PRRC2B: variants seen among roughly 807,000 people sequenced by gnomAD.
PRRC2B encodes protein PRRC2B.
A neutral mutation model predicts 242.3 loss-of-function variants in PRRC2B; 68 were observed. The ratio of observed to expected loss-of-function variants is 0.28; its 90% confidence interval spans 0.23 to 0.34. The LOEUF (loss-of-function observed/expected upper bound fraction) is 0.34, where lower values mean the gene tolerates loss of function less well. Among genes scored for constraint, PRRC2B ranks in the 10% least tolerant of loss-of-function variants. The pLI is 1.00. For missense variants in PRRC2B, 2,835 were observed against 2,954.8 expected (o/e 0.96, Z 0.94); for synonymous variants, 1,228 against 1,173.6 (o/e 1.05, Z -0.95).
chr9:131,497,957 G>GGCCT lies in PRRC2B; in HGVS notation c.*2086_*2089dup, dbSNP rs1564306313. On this transcript the variant is annotated 3_prime_UTR_variant, in exon 32 of 32. Transcript: ENST00000683519. ...GCCAAGCCATTCCTGGGTGAGTTCA[G>GGCCT]GCCTGCGGGAGCCACACATTCATCT... is the stretch of plus-strand genomic sequence containing the variant. The GGCCT allele has an allele frequency of 6.6e-6, 1 of 152,244 alleles. No individual in the cohort carries two copies. The highest frequency in any genetic ancestry group is 1.5e-5 in the Non-Finnish European group (1 of 68,104). 9.4% of individuals were successfully genotyped at this position (152,244 alleles called of 1,614,324 possible).
chr9:131,392,189 C>G (rs549954843), upstream of PRRC2B, among the ~76,000 whole-genome samples: 27 of 151,438 alleles, frequency 1.8e-4, no homozygotes, highest in East Asian at 4.7e-3. Flanking sequence ...ACCTCCGCCA[C>G]CCGGGTTTGA....
At chr9:131,489,947 C>G (rs1054965455) in intron 28 of PRRC2B, among the ~76,000 whole-genome samples, 2 of 152,060 alleles carry the variant, frequency 1.3e-5, no homozygotes, top group African/African-American at 4.8e-5. Context: ...CTTTGCTGTC[C>G]CCTCTCCTTC....
In PRRC2B at chr9:131,459,267, G is replaced by T. The variant is rs370435017; in HGVS notation, c.1315G>T (p.Val439Leu). The T allele has an allele frequency of 6.2e-7, 1 of 1,613,906 alleles. No homozygotes were observed. Among genetic ancestry groups the T allele is most frequent in the Admixed American group, 1.7e-5 (1 of 60,002 alleles). Residue 439 changes from valine (V) to leucine (L), a missense_variant, in exon 11 of 32, where the codon GTG becomes TTG. By Grantham distance (32) the Val-to-Leu change is conservative. Around this residue, in one of 7 missense-constraint regions of PRRC2B, gnomAD observed 626 missense variants for 685.5 expected, o/e 0.91. Transcript: ENST00000683519. ...GGAAGGGAAGGACTGGGCTGAAGCA[G>T]TGGGTGCGTCCCGTGTGGTCCGAAA... ...REEGKDWAEA[V>L]GASRVVRKAP... is the part of the protein sequence containing the mutation.
At chr9:131,380,197 A>G (rs924331585) in intron 1 of PRRC2B, among the ~76,000 whole-genome samples, 3 of 151,442 alleles carry the variant, frequency 2.0e-5, no homozygotes, top group African/African-American at 4.8e-5. Context: ...TGGAGGCTGC[A>G]GTGAGCTATG....
intron 1 of PRRC2B, among the ~76,000 whole-genome samples, chr9:131,380,892 A>AAAAAAAAAAAAC (rs1836750817): frequency 1.3e-5 from 2 of 151,468 alleles, no homozygotes; most frequent in Non-Finnish European, 1.5e-5. Context: ...TCTCCAAAAA[A>AAAAAAAAAAAAC]AAAAAAAGAG....
chr9:131,407,967 G>T (rs979080436), intron 1 of PRRC2B, among the ~76,000 whole-genome samples: 1 of 152,190 alleles, frequency 6.6e-6, no homozygotes, highest in Admixed American at 6.5e-5. Context: ...TTTCCTCACC[G>T]GGGTAACGGG....
chr9:131,453,331 T>G (rs1942978489), intron 9 of PRRC2B, among the ~76,000 whole-genome samples: 1 of 152,226 alleles, frequency 6.6e-6, no homozygotes, highest in African/African-American at 2.4e-5. Flanking sequence ...GCAACTTGCT[T>G]TTTCAGTTCC....
chr9:131,498,278 AAAAG>A lies in PRRC2B; in HGVS notation c.*2407_*2410del, dbSNP rs1944383365. The stretch of plus-strand genomic sequence containing the variant: ...TGATGTTGTAGGTCTAGGTGAAAAA[AAAAG>A]AAGTAAATGTTTCACTGCTCTATTT... On this transcript the variant is annotated 3_prime_UTR_variant, in exon 32 of 32. Coordinates refer to ENST00000683519, the MANE Select transcript of PRRC2B (RefSeq NM_013318.4). 6.6e-6 allele frequency: 1 copy of A among 152,186 alleles called. No homozygotes were observed. The highest frequency in any genetic ancestry group is 2.1e-4 in the South Asian group (1 of 4,832). The allele number at this position is 152,186 out of a possible 1,614,324, so 9.4% of individuals were successfully genotyped here.
At position 131,377,356 on chromosome 9, in the gene PRRC2B, G is replaced by A. The variant is rs575060027; in HGVS notation, c.-56+3625G>A. 1.1e-4 allele frequency among the ~76,000 whole-genome samples: 16 copies of A among 152,240 alleles called. No individual in the cohort carries two copies. In the East Asian group the frequency reaches 2.7e-3, roughly 26 times the overall value. The stretch of plus-strand genomic sequence containing the variant: ...TCTCAATCTCCTAACCTCGTGATCC[G>A]CGCGCCTCAGCCTCCCAAAGTGTTG... On this transcript the variant is annotated intron_variant, in intron 1 of 1. Transcript: ENST00000682525.
chr9:131,414,522 T>C (rs1204245500), intron 1 of PRRC2B, among the ~76,000 whole-genome samples: 1 of 150,744 alleles, frequency 6.6e-6, no homozygotes, highest in Non-Finnish European at 1.5e-5. Flanking sequence ...TCTATCCTGT[T>C]TTTACCAGGA....
intron 1 of PRRC2B, among the ~76,000 whole-genome samples, chr9:131,403,809 T>C (rs1376618728): frequency 6.6e-6 from 1 of 152,148 alleles, no homozygotes; most frequent in Non-Finnish European, 1.5e-5. Flanking sequence ...TGGCCTCATG[T>C]AGGGAGGTTT....
At chr9:131,409,923 A>C (rs1837463704) in intron 1 of PRRC2B, among the ~76,000 whole-genome samples, 1 of 152,258 alleles carries the variant, frequency 6.6e-6, no homozygotes, top group Non-Finnish European at 1.5e-5. Flanking sequence ...GCATTTGCAG[A>C]GTACTTCTCA....
intron 9 of PRRC2B, among the ~76,000 whole-genome samples, chr9:131,450,422 A>G (rs1321846319): frequency 2.0e-5 from 3 of 151,464 alleles, no homozygotes; most frequent in African/African-American, 7.3e-5. Flanking sequence ...CGCGCACCAC[A>G]TGCCCAACTA....
chr9:131,436,855 C>T (rs954986277), intron 4 of PRRC2B, 133 bp downstream of exon 4: 20 of 666,026 alleles, frequency 3.0e-5, no homozygotes, highest in East Asian at 1.1e-4. Context: ...GAGGCACACC[C>T]GATGAGTGAC....
At chr9:131,491,653 T>C in intron 29 of PRRC2B, 73 bp downstream of exon 29, 1 of 1,376,726 alleles carries the variant, frequency 7.3e-7, no homozygotes, top group Non-Finnish European at 9.8e-7. Context: ...GCAAGCTAAG[T>C]ACCCCTGTGT....
rs767990235 is a variant in PRRC2B at position 131,496,099 on chromosome 9, C to T, written c.*225C>T. 8.9e-6 allele frequency: 5 copies of T among 563,484 alleles called. No homozygotes were observed. The highest frequency in any genetic ancestry group is 3.0e-5 in the East Asian group (1 of 33,034). 34.9% of individuals were successfully genotyped at this position (563,484 alleles called of 1,614,324 possible). A position where few individuals can be genotyped will look rare whatever the true frequency, so the allele number is the denominator to read the frequency against. ...CTTTGATACGAAACAAAAAAGCAGA[C>T]GACTCCTTCATCCCATCTGCTCCTA... On this transcript the variant is annotated 3_prime_UTR_variant, in exon 32 of 32. Coordinates refer to ENST00000683519, the MANE Select transcript of PRRC2B (RefSeq NM_013318.4).
Position 131,436,684 on chromosome 9 carries a change from T to C in PRRC2B, c.358T>C (p.Ser120Pro). The C allele has an allele frequency of 6.2e-7, 1 of 1,613,990 alleles. No individual in the cohort carries two copies. Among genetic ancestry groups the C allele is most frequent in the South Asian group, 1.1e-5 (1 of 91,080 alleles). Residue 120 changes from serine to proline, a missense_variant, in exon 4 of 32, where the codon TCC becomes CCC. By Grantham distance (74) the Ser-to-Pro change is moderately conservative. This residue lies in a region of PRRC2B where 626 missense variants were observed against 685.5 expected (regional missense o/e 0.91). Coordinates refer to ENST00000683519, the MANE Select transcript of PRRC2B (RefSeq NM_013318.4). ...LPQPGLQKSVSNLQKPTQSIS... is the reference protein window; with the variant it reads ...LPQPGLQKSVPNLQKPTQSIS... Reference sequence around the variant, plus strand: ...GCAGCCGGGTTTGCAGAAATCTGTCTCCAATTTGCAGAAACCGACACAGTC... The same window carrying C: ...GCAGCCGGGTTTGCAGAAATCTGTCCCCAATTTGCAGAAACCGACACAGTC...
rs1300728570 is a variant in PRRC2B, at chr9:131,479,288, C to T, written c.4795C>T (p.Pro1599Ser). ...AGGTCGAGGCCTTTCCTCCCGTATT[C>T]CTCCTCGATTTGCAAAAAAGCAGAA... Reference protein sequence around the residue: ...VKGRGLSSRIPPRFAKKQNNL... With the variant: ...VKGRGLSSRISPRFAKKQNNL... Residue 1599 changes from proline to serine, a missense_variant, in exon 19 of 32, where the codon CCT (proline) becomes TCT (serine). Around this residue, in one of 7 missense-constraint regions of PRRC2B, gnomAD observed 1,536 missense variants for 1,483.1 expected, o/e 1.04. Transcript: ENST00000683519. 1 of 1,613,908 alleles carries T rather than the reference C, an allele frequency of 6.2e-7. No individual in the cohort carries two copies.
intron 5 of PRRC2B, among the ~76,000 whole-genome samples, chr9:131,443,245 T>G (rs975374526): frequency 2.7e-5 from 4 of 150,800 alleles, no homozygotes; most frequent in Admixed American, 2.0e-4. Context: ...GCCATTCTCC[T>G]GCCTCAGCCT....
Sources: gnomAD v4.1 joint callset for allele counts (sites outside exome capture counted in the v4.1 genomes callset) on GRCh38, gnomAD v4.1.1 for gene constraint, gnomAD v4.1.1 regional missense constraint, MANE v1.5 for transcripts, NCBI Gene and HGNC (gene_info 2026-07-23, HGNC 2026-07-21) for gene names.